The following ADAMTSL1 variants were observed in gnomAD, a reference collection of about 807,000 sequenced individuals.
The protein encoded by ADAMTSL1 is ADAMTS like 1.
ADAMTSL1 carries 126 observed loss-of-function variants against 201.8 expected under a neutral mutation model. The ratio of observed to expected loss-of-function variants is 0.62; its 90% CI spans 0.54 to 0.72. The LOEUF (loss-of-function observed/expected upper bound fraction) is 0.72, where lower values mean the gene tolerates loss of function less well. Among genes scored for constraint, ADAMTSL1 ranks in the 30% least tolerant of loss-of-function variants. ADAMTSL1 has a pLI of 0.00. For missense variants in ADAMTSL1, 2,679 were observed against 2,277.8 expected (o/e 1.18, Z -3.59); for synonymous variants, 1,121 against 903.4 (o/e 1.24, Z -4.32).
intron 26 of ADAMTSL1, among the ~76,000 whole-genome samples, chr9:18,897,564 G>C (rs1829723548): frequency 6.6e-6 from 1 of 152,212 alleles, no homozygotes; most frequent in African/African-American, 2.4e-5. Flanking sequence ...GATACATCCA[G>C]GTAAGGGGAA....
chr9:18,024,121 TA>T (rs1820593834), intron 1 of ADAMTSL1, among the ~76,000 whole-genome samples: 1 of 152,198 alleles, frequency 6.6e-6, no homozygotes, highest in East Asian at 1.9e-4. Context: ...TCTACTGCTT[TA>T]TTTTTTTATT....
chr9:18,098,535 T>G (rs1237814539), intron 1 of ADAMTSL1, among the ~76,000 whole-genome samples: 1 of 152,244 alleles, frequency 6.6e-6, no homozygotes, highest in Non-Finnish European at 1.5e-5. Context: ...GTTGCTCGTC[T>G]AGAAACATGT....
intron 1 of ADAMTSL1, among the ~76,000 whole-genome samples, chr9:17,932,049 TG>T (rs1483063819): frequency 6.6e-6 from 1 of 152,176 alleles, no homozygotes; most frequent in Non-Finnish European, 1.5e-5. Context: ...TGCACAGGTT[TG>T]GATATCTTTG....
At chr9:18,446,320 A>G (rs1200606198) in intron 2 of ADAMTSL1, among the ~76,000 whole-genome samples, 1 of 152,228 alleles carries the variant, frequency 6.6e-6, no homozygotes, top group Non-Finnish European at 1.5e-5. Flanking sequence ...TGACATAAAT[A>G]TTAGTCTAGA....
chr9:18,818,974 G>C (rs928491909), intron 21 of ADAMTSL1, among the ~76,000 whole-genome samples: 6 of 152,096 alleles, frequency 3.9e-5, no homozygotes, highest in East Asian at 3.9e-4. Context: ...CCCTGACAGG[G>C]GTTGGCATGA....
intron 16 of ADAMTSL1, among the ~76,000 whole-genome samples, chr9:18,768,546 GGTAGGTA>G (rs146985414): frequency 0.22 from 33,018 of 150,106 alleles, 4,004 homozygotes; most frequent in East Asian, 0.29. Context: ...TGCTTCAATG[GGTAGGTA>G]GTTGATCCCA....
chr9:18,839,448 C>G (rs201606738), intron 23 of ADAMTSL1, among the ~76,000 whole-genome samples: 89 of 152,158 alleles, frequency 5.8e-4, no homozygotes, highest in Middle Eastern at 3.4e-3. Context: ...GGACATGTGG[C>G]TTGGTTCCAT....
chr9:18,332,052 A>T (rs1392299699), intron 2 of ADAMTSL1, among the ~76,000 whole-genome samples: 1 of 152,118 alleles, frequency 6.6e-6, no homozygotes, highest in Non-Finnish European at 1.5e-5. Flanking sequence ...CAGCCCTGGG[A>T]TTGAGACTGA....
intron 20 of ADAMTSL1, among the ~76,000 whole-genome samples, chr9:18,812,443 T>C (rs1823561640): frequency 6.6e-6 from 1 of 152,326 alleles, no homozygotes; most frequent in South Asian, 2.1e-4. Flanking sequence ...TAACTCAAAA[T>C]ATATCACAGA....
intron 23 of ADAMTSL1, among the ~76,000 whole-genome samples, chr9:18,845,094 C>G (rs1331860795): frequency 6.6e-6 from 1 of 152,202 alleles, no homozygotes; most frequent in African/African-American, 2.4e-5. Context: ...AACCCGGTAC[C>G]TCAGATGGAA....
chr9:18,599,711 C>G (rs1355136601), intron 4 of ADAMTSL1, among the ~76,000 whole-genome samples: 27 of 151,802 alleles, frequency 1.8e-4, no homozygotes, highest in Admixed American at 1.8e-3. Context: ...CTATGGATAA[C>G]TTCTGTTCTG....
intron 1 of ADAMTSL1, among the ~76,000 whole-genome samples, chr9:17,998,847 T>C (rs1326955724): frequency 6.6e-6 from 1 of 152,050 alleles, no homozygotes; most frequent in Non-Finnish European, 1.5e-5. Context: ...ATGCCTAGAA[T>C]AATCTGAGAG....
intron 7 of ADAMTSL1, among the ~76,000 whole-genome samples, chr9:18,653,360 C>T (rs1045468875): frequency 2.0e-5 from 3 of 152,182 alleles, no homozygotes; most frequent in Non-Finnish European, 4.4e-5. Flanking sequence ...CTCAGTATCT[C>T]CTTCCTGACA....
At chr9:18,335,641 A>G (rs772736888) in intron 2 of ADAMTSL1, among the ~76,000 whole-genome samples, 1 of 152,168 alleles carries the variant, frequency 6.6e-6, no homozygotes, top group Non-Finnish European at 1.5e-5. Flanking sequence ...ATAACCTCAT[A>G]GCTTTCCCAC....
chr9:17,954,716 T>C (rs1044212287), intron 1 of ADAMTSL1, among the ~76,000 whole-genome samples: 1 of 152,078 alleles, frequency 6.6e-6, no homozygotes, highest in Admixed American at 6.6e-5. Flanking sequence ...GTGGGGGAAG[T>C]AGAAGACCAG....
chr9:18,461,087 T>C (rs972293087), intron 2 of ADAMTSL1, among the ~76,000 whole-genome samples: 5 of 152,198 alleles, frequency 3.3e-5, no homozygotes, highest in Admixed American at 2.0e-4. Flanking sequence ...CCACACCTCA[T>C]TTTTAAAGGG....
intron 1 of ADAMTSL1, among the ~76,000 whole-genome samples, chr9:17,949,159 C>T (rs938532709): frequency 1.3e-5 from 2 of 152,140 alleles, no homozygotes; most frequent in Non-Finnish European, 2.9e-5. Context: ...CACATAAAGC[C>T]TCCACGTGTA....
intron 2 of ADAMTSL1, among the ~76,000 whole-genome samples, chr9:18,392,161 A>T (rs543218650): frequency 5.3e-5 from 8 of 152,258 alleles, no homozygotes; most frequent in African/African-American, 1.9e-4. Context: ...GGCACAAGTC[A>T]CCTAAATTAT....
chr9:17,980,277 G>A (rs1274477174), intron 1 of ADAMTSL1, among the ~76,000 whole-genome samples: 1 of 152,138 alleles, frequency 6.6e-6, no homozygotes, highest in Admixed American at 6.6e-5. Context: ...TTAAGGGGAT[G>A]TGTGTCAGAA....
Sources: allele counts gnomAD v4.1 joint callset (sites outside exome capture counted in the v4.1 genomes callset), GRCh38; gene constraint gnomAD v4.1.1; transcripts MANE v1.5; gene names NCBI Gene and HGNC (gene_info 2026-07-23, HGNC 2026-07-21).